GRHL2: variants seen among roughly 807,000 people sequenced by gnomAD.
GRHL2 encodes grainyhead like transcription factor 2.
A neutral mutation model predicts 83.8 loss-of-function variants in GRHL2; 21 were observed. That is an observed-to-expected ratio of 0.25 (90% CI 0.18 to 0.36). GRHL2 has a LOEUF of 0.36. GRHL2 is among the 10% of genes least tolerant of loss of function. The pLI, the probability that GRHL2 is intolerant of heterozygous loss-of-function variation, is 1.00. For missense variants in GRHL2, 623 were observed against 781.8 expected, an observed-to-expected ratio of 0.80 and a Z score of 2.42; for synonymous variants, 280 against 278.9, an observed-to-expected ratio of 1.00 and a Z score of -0.04.
At chr8:101,547,500 C>T (rs1393358458) in intron 2 of GRHL2, among the ~76,000 whole-genome samples, 2 of 152,172 alleles carry the variant, frequency 1.3e-5, no homozygotes, top group African/African-American at 4.8e-5. Context: ...GTCCTGTGAA[C>T]GTGGCAAAGG....
At chr8:101,545,329 G>A (rs2130128827) in intron 2 of GRHL2, among the ~76,000 whole-genome samples, 1 of 151,148 alleles carries the variant, frequency 6.6e-6, no homozygotes, top group Non-Finnish European at 1.5e-5. Context: ...TCCTGACATA[G>A]CAAGAAGGAC....
At chr8:101,681,047 G>A in the GRHL2 span, among the ~76,000 whole-genome samples, 1 of 131,968 alleles carries the variant, frequency 7.6e-6, no homozygotes, top group Non-Finnish European at 1.6e-5. Context: ...ACATTCAAAA[G>A]CTAGCAGAAG....
intron 1 of GRHL2, chr8:101,529,145 T>C: frequency 3.3e-6 from 1 of 304,382 alleles, no homozygotes; most frequent in Non-Finnish European, 6.3e-6. Flanking sequence ...TACATCTTCA[T>C]TTGCCTCTTC....
chr8:101,537,513 G>C (rs1201655469), intron 1 of GRHL2, among the ~76,000 whole-genome samples: 1 of 152,114 alleles, frequency 6.6e-6, no homozygotes, highest in Non-Finnish European at 1.5e-5. Context: ...ACTTTGAGCT[G>C]GTTATTAGTA....
At chr8:101,552,985 C>T (rs1394233818) in intron 3 of GRHL2, among the ~76,000 whole-genome samples, 1 of 152,212 alleles carries the variant, frequency 6.6e-6, no homozygotes, top group Non-Finnish European at 1.5e-5. Context: ...GGTCTCTCCA[C>T]CCTCTTCAGA....
chr8:101,544,541 A>G (rs1053731944), intron 2 of GRHL2, among the ~76,000 whole-genome samples: 1 of 152,234 alleles, frequency 6.6e-6, no homozygotes, highest in Non-Finnish European at 1.5e-5. Flanking sequence ...ATTAAAGTAT[A>G]AAAAGTTGAC....
At chr8:101,671,662 C>A (rs1199688996), downstream of GRHL2, among the ~76,000 whole-genome samples, 1 of 152,194 alleles carries the variant, frequency 6.6e-6, no homozygotes, top group Non-Finnish European at 1.5e-5. Flanking sequence ...ACTTAAATGT[C>A]CCTGTCTGAC....
intron 1 of GRHL2, among the ~76,000 whole-genome samples, chr8:101,531,557 T>TACAC (rs148930541): frequency 6.6e-6 from 1 of 151,356 alleles, no homozygotes; most frequent in South Asian, 2.1e-4. Context: ...GATTTTGATT[T>TACAC]ACACACACAC....
intron 5 of GRHL2, among the ~76,000 whole-genome samples, chr8:101,571,150 TA>T (rs113190823): frequency 0.14 from 21,538 of 152,150 alleles, 1,862 homozygotes; most frequent in South Asian, 0.27. Context: ...TACAGAGATA[TA>T]TAAAGAGCTA....
At chr8:101,645,068 C>T (rs188077765) in intron 13 of GRHL2, among the ~76,000 whole-genome samples, 1 of 150,580 alleles carries the variant, frequency 6.6e-6, no homozygotes, top group East Asian at 2.0e-4. Flanking sequence ...AGGTCTCAAA[C>T]TCCTGAGCTC....
At chr8:101,630,690 T>C (rs1329200894) in intron 9 of GRHL2, among the ~76,000 whole-genome samples, 1 of 152,132 alleles carries the variant, frequency 6.6e-6, no homozygotes, top group East Asian at 1.9e-4. Context: ...GAGTTTAGGT[T>C]GGAGATGTTG....
chr8:101,524,255 A>G (rs1200702288), intron 1 of GRHL2, among the ~76,000 whole-genome samples: 1 of 152,194 alleles, frequency 6.6e-6, no homozygotes, highest in African/African-American at 2.4e-5. Flanking sequence ...ATATTTGATT[A>G]TCTTTGCCAG....
rs80003784 is a variant in GRHL2, at chr8:101,585,279, G to A, written c.1003+7760G>A. On this transcript the variant is annotated intron_variant, in intron 7 of 15. Transcript: ENST00000646743. ...TCTCCCTACAGTCTGGAAAATGTAGGTCTTCCCTCCTTTAAAAATAACTCA... is the reference window on the plus strand; with the variant it reads ...TCTCCCTACAGTCTGGAAAATGTAGATCTTCCCTCCTTTAAAAATAACTCA... Among the ~76,000 whole-genome samples, 1,310 of 152,312 alleles carry A rather than the reference G, an allele frequency of 8.6e-3. 8 individuals are homozygous for A. The highest frequency in any genetic ancestry group is 0.015 in the Non-Finnish European group (1,038 of 68,040).
chr8:101,647,975 G>T (rs1813546898), intron 13 of GRHL2, among the ~76,000 whole-genome samples: 2 of 152,154 alleles, frequency 1.3e-5, no homozygotes, highest in African/African-American at 2.4e-5. Context: ...TGGTGTCTGA[G>T]TGTCGCTGGT....
At chr8:101,627,574 C>A (rs1285441813) in intron 9 of GRHL2, among the ~76,000 whole-genome samples, 5 of 152,056 alleles carry the variant, frequency 3.3e-5, no homozygotes, top group African/African-American at 1.2e-4. Flanking sequence ...TACAACGGCC[C>A]CTGAGTGTTC....
chr8:101,554,584 G>C (rs1428212878), intron 3 of GRHL2, among the ~76,000 whole-genome samples: 1 of 152,142 alleles, frequency 6.6e-6, no homozygotes, highest in Non-Finnish European at 1.5e-5. Flanking sequence ...TTATGACTTA[G>C]AGTTTTCATT....
intron 12 of GRHL2, among the ~76,000 whole-genome samples, chr8:101,637,325 G>A (rs1813308638): frequency 6.6e-6 from 1 of 152,210 alleles, no homozygotes; most frequent in African/African-American, 2.4e-5. Context: ...AAAGATGACA[G>A]CCTACCCTTC....
intron 14 of GRHL2, among the ~76,000 whole-genome samples, chr8:101,663,213 G>A (rs1188087062): frequency 6.6e-6 from 1 of 152,172 alleles, no homozygotes; most frequent in Admixed American, 6.5e-5. Flanking sequence ...CTTTCCAAGA[G>A]GTTGAGCATG....
At chr8:101,577,290 T>C in intron 6 of GRHL2, 118 bp from the exon 7 acceptor site, 1 of 731,288 alleles carries the variant, frequency 1.4e-6, no homozygotes, top group Admixed American at 2.0e-5. Flanking sequence ...TCTGGGCTTT[T>C]CTAAAGCAAG....
Sources: gnomAD v4.1 joint callset for allele counts (sites outside exome capture counted in the v4.1 genomes callset) on GRCh38, gnomAD v4.1.1 for gene constraint, MANE v1.5 for transcripts, NCBI Gene and HGNC (gene_info 2026-07-23, HGNC 2026-07-21) for gene names.